KCNK2: variants seen among roughly 807,000 people sequenced by gnomAD.
The protein encoded by KCNK2 is potassium two pore domain channel subfamily K member 2.
In KCNK2, 21 loss-of-function variants were observed where a neutral mutation model predicts 40.5. That is an observed-to-expected ratio of 0.52 (90% confidence interval 0.37 to 0.75). The LOEUF (loss-of-function observed/expected upper bound fraction) is 0.75, where lower values mean the gene tolerates loss of function less well. KCNK2 is among the 30% of genes least tolerant of loss of function. The pLI is 0.00. For synonymous variants in KCNK2, 191 were observed against 202.2 expected (o/e 0.94, Z 0.47); for missense variants, 399 against 531.6 (o/e 0.75, Z 2.45).
intron 1 of KCNK2, among the ~76,000 whole-genome samples, chr1:215,028,222 A>G (rs912043624): frequency 2.6e-5 from 4 of 152,058 alleles, no homozygotes; most frequent in Admixed American, 2.0e-4. Context: ...CCCCGTCTCT[A>G]CTAAAAATAC....
chr1:215,124,789 G>A (rs770156612), intron 3 of KCNK2, 39 bp downstream of exon 3: 11 of 1,162,986 alleles, frequency 9.5e-6, no homozygotes, highest in Middle Eastern at 3.9e-4. Context: ...TTTTGATACC[G>A]TTTGTGAGCT....
chr1:215,086,328 C>A, intron 1 of KCNK2, 40 bp from the exon 2 acceptor site: 1 of 1,529,874 alleles, frequency 6.5e-7, no homozygotes, highest in Non-Finnish European at 9.0e-7. Context: ...ATTCCCTTCT[C>A]ATCTCCTCCA....
intron 3 of KCNK2, among the ~76,000 whole-genome samples, chr1:215,162,905 A>T (rs1264659002): frequency 3.3e-5 from 5 of 150,924 alleles, no homozygotes; most frequent in African/African-American, 7.3e-5. Flanking sequence ...CGTCTTGGCT[A>T]TATGGGCTTC....
intron 3 of KCNK2, among the ~76,000 whole-genome samples, chr1:215,167,286 A>G (rs1394790591): frequency 1.3e-5 from 2 of 152,048 alleles, no homozygotes; most frequent in African/African-American, 2.4e-5. Context: ...ACGGCCCATA[A>G]TCTTTGAACT....
chr1:215,205,656 T>A (rs148437522), intron 6 of KCNK2, among the ~76,000 whole-genome samples: 1 of 152,258 alleles, frequency 6.6e-6, no homozygotes, highest in African/African-American at 2.4e-5. Flanking sequence ...GTAACTACAA[T>A]GAGCAGAGTC....
chr1:215,059,481 G>A (rs1225777948), intron 1 of KCNK2, among the ~76,000 whole-genome samples: 2 of 152,058 alleles, frequency 1.3e-5, no homozygotes, highest in Admixed American at 6.6e-5. Flanking sequence ...CAGAAAAATA[G>A]CATTATATAC....
intron 1 of KCNK2, among the ~76,000 whole-genome samples, chr1:215,008,525 C>T (rs776691864): frequency 7.2e-5 from 11 of 152,148 alleles, no homozygotes; most frequent in Admixed American, 1.3e-4. Context: ...TACCTAACTA[C>T]CAAGACTGTG....
chr1:215,069,288 G>A (rs990531579), intron 1 of KCNK2, among the ~76,000 whole-genome samples: 2 of 152,186 alleles, frequency 1.3e-5, no homozygotes, highest in African/African-American at 2.4e-5. Flanking sequence ...AGGGTGTCTA[G>A]CAAAAGCTCC....
chr1:215,052,947 G>C (rs752808602), intron 1 of KCNK2, among the ~76,000 whole-genome samples: 30 of 152,208 alleles, frequency 2.0e-4, no homozygotes, highest in Admixed American at 3.3e-4. Context: ...TCTATAAACA[G>C]TAGTTATGTC....
intron 6 of KCNK2, among the ~76,000 whole-genome samples, chr1:215,209,431 A>ATTAT (rs562818509): frequency 4.5e-4 from 5 of 11,012 alleles, no homozygotes; most frequent in Admixed American, 1.8e-3. Context: ...TAATATATAT[A>ATTAT]ATATAAAATA....
chr1:215,067,585 C>A (rs1465659435), intron 1 of KCNK2, among the ~76,000 whole-genome samples: 5 of 152,262 alleles, frequency 3.3e-5, no homozygotes, highest in African/African-American at 1.2e-4. Flanking sequence ...GCAAAAAAAT[C>A]ATCACACTTG....
At chr1:215,233,610 T>G (rs1571761344) in intron 6 of KCNK2, among the ~76,000 whole-genome samples, 1 of 152,174 alleles carries the variant, frequency 6.6e-6, no homozygotes, top group African/African-American at 2.4e-5. Flanking sequence ...CCTTTGTTGA[T>G]TTTTTAAAAG....
intron 1 of KCNK2, among the ~76,000 whole-genome samples, chr1:215,012,125 G>GC (rs1553255067): frequency 1.3e-5 from 2 of 152,122 alleles, no homozygotes; most frequent in African/African-American, 4.8e-5. Flanking sequence ...CCTGGACATA[G>GC]TTTTTTTGTA....
intron 1 of KCNK2, among the ~76,000 whole-genome samples, chr1:215,036,212 G>A (rs1440374957): frequency 6.6e-6 from 1 of 150,892 alleles, no homozygotes; most frequent in Non-Finnish European, 1.5e-5. Context: ...ATTTTTTTGA[G>A]TGTGTATGGT....
At chr1:215,053,699 A>G (rs1658063644) in intron 1 of KCNK2, among the ~76,000 whole-genome samples, 1 of 152,230 alleles carries the variant, frequency 6.6e-6, no homozygotes, top group African/African-American at 2.4e-5. Flanking sequence ...AAAGCCTTAG[A>G]TAGATATTCT....
At chr1:215,158,631 T>C (rs1663052222) in intron 3 of KCNK2, among the ~76,000 whole-genome samples, 2 of 152,174 alleles carry the variant, frequency 1.3e-5, no homozygotes, top group Non-Finnish European at 2.9e-5. Context: ...TTACTTCTTA[T>C]GAATATGACT....
chr1:215,124,845 T>C (rs1221382265), intron 3 of KCNK2, 95 bp downstream of exon 3: 13 of 733,242 alleles, frequency 1.8e-5, no homozygotes, highest in African/African-American at 1.4e-4. Context: ...CAAAATGATC[T>C]ACTTAAGGTA....
chr1:215,178,345 T>C (rs1156669641), intron 5 of KCNK2, among the ~76,000 whole-genome samples: 2 of 152,168 alleles, frequency 1.3e-5, no homozygotes, highest in African/African-American at 2.4e-5. Context: ...TTGGATGCTT[T>C]TATTTTTTTC....
intron 3 of KCNK2, among the ~76,000 whole-genome samples, chr1:215,146,196 GTT>G (rs1158180264): frequency 1.3e-5 from 2 of 152,182 alleles, no homozygotes; most frequent in Non-Finnish European, 2.9e-5. Context: ...AGCTGGGAAA[GTT>G]TGGAAACAAT....
Sources: gnomAD v4.1 joint callset for allele counts (sites outside exome capture counted in the v4.1 genomes callset) on GRCh38, gnomAD v4.1.1 for gene constraint, MANE v1.5 for transcripts, NCBI Gene and HGNC (gene_info 2026-07-23, HGNC 2026-07-21) for gene names.